The following NMNAT2 variants were observed in gnomAD, a reference collection of about 807,000 sequenced individuals.
NMNAT2 encodes nicotinamide/nicotinic acid mononucleotide adenylyltransferase 2.
NMNAT2 carries 11 observed loss-of-function variants against 41.6 expected under a neutral mutation model. The observed-to-expected ratio is 0.26, with a 90% CI of 0.17 to 0.44. NMNAT2 has a LOEUF of 0.44. NMNAT2 is among the 20% of genes least tolerant of loss of function. The pLI is 1.00. For synonymous variants in NMNAT2, 148 were observed against 151.2 expected, an observed-to-expected ratio of 0.98 and a Z score of 0.16; for missense variants, 288 against 407.7, an observed-to-expected ratio of 0.71 and a Z score of 2.53.
intron 1 of NMNAT2, among the ~76,000 whole-genome samples, chr1:183,362,504 A>G (rs1336320322): frequency 6.6e-6 from 1 of 152,232 alleles, no homozygotes; most frequent in Non-Finnish European, 1.5e-5. Flanking sequence ...TGGACATTTC[A>G]TATAAATGGA....
chr1:183,271,681 G>A (rs1275700571), intron 8 of NMNAT2, among the ~76,000 whole-genome samples: 1 of 123,490 alleles, frequency 8.1e-6, no homozygotes, highest in East Asian at 3.0e-4. Context: ...TACATGCTAC[G>A]TTTATCCTGG....
At chr1:183,292,643 A>G (rs1661574175) in intron 3 of NMNAT2, 147 bp downstream of exon 3, 1 of 701,764 alleles carries the variant, frequency 1.4e-6, no homozygotes, top group South Asian at 1.7e-5. Flanking sequence ...CTGGAGGTCT[A>G]CTTATTGCCT....
At chr1:183,409,119 C>T (rs1649045215) in intron 1 of NMNAT2, among the ~76,000 whole-genome samples, 1 of 151,888 alleles carries the variant, frequency 6.6e-6, no homozygotes, top group Admixed American at 6.6e-5. Flanking sequence ...CTTTGGGAGG[C>T]TGAGACAGGA....
At chr1:183,328,039 C>T (rs1204593412) in intron 1 of NMNAT2, among the ~76,000 whole-genome samples, 1 of 152,066 alleles carries the variant, frequency 6.6e-6, no homozygotes, top group Non-Finnish European at 1.5e-5. Flanking sequence ...CTAGGGCAGG[C>T]GGAGAGGTTG....
rs1216768233 is a variant in NMNAT2, at chr1:183,251,435, G to C, written c.*1206C>G. On this transcript the variant is annotated 3_prime_UTR_variant, in exon 11 of 11. Transcript: ENST00000287713. ...TACAATATGAAAGAGACATTTCCCA[G>C]CCCAACAGACAATACATAATTCCAA... The C allele has an allele frequency of 6.6e-6, 1 of 152,216 alleles. No homozygotes were observed. The highest frequency in any genetic ancestry group is 1.5e-5 in the Non-Finnish European group (1 of 68,048). 9.4% of individuals were successfully genotyped at this position (152,216 alleles called of 1,614,324 possible). A position where few individuals can be genotyped will look rare whatever the true frequency, so the allele number is the denominator to read the frequency against.
chr1:183,301,316 A>T (rs1238517667), intron 1 of NMNAT2, among the ~76,000 whole-genome samples: 1 of 152,188 alleles, frequency 6.6e-6, no homozygotes, highest in Non-Finnish European at 1.5e-5. Flanking sequence ...ATGTTAGAAT[A>T]CCCACAAAAG....
At chr1:183,391,403 A>G (rs930623176) in intron 1 of NMNAT2, among the ~76,000 whole-genome samples, 2 of 152,128 alleles carry the variant, frequency 1.3e-5, no homozygotes, top group African/African-American at 4.8e-5. Context: ...CCCAATACCT[A>G]TAACCTACTC....
chr1:183,353,152 G>A (rs568387631), intron 1 of NMNAT2, among the ~76,000 whole-genome samples: 8 of 152,190 alleles, frequency 5.3e-5, no homozygotes, highest in Admixed American at 6.5e-5. Flanking sequence ...GATTACAGGT[G>A]CCTGCCATCG....
At chr1:183,373,183 C>A (rs1663589433) in intron 1 of NMNAT2, among the ~76,000 whole-genome samples, 1 of 152,212 alleles carries the variant, frequency 6.6e-6, no homozygotes, top group Non-Finnish European at 1.5e-5. Flanking sequence ...CTCTTTTCAG[C>A]CCAGTGTGCT....
At chr1:183,390,936 T>C (rs1052021791) in intron 1 of NMNAT2, among the ~76,000 whole-genome samples, 1 of 152,124 alleles carries the variant, frequency 6.6e-6, no homozygotes, top group Non-Finnish European at 1.5e-5. Context: ...GCACGTGAGT[T>C]TCAGGCAAAA....
chr1:183,352,285 C>T (rs151020251), intron 1 of NMNAT2, among the ~76,000 whole-genome samples: 78 of 152,162 alleles, frequency 5.1e-4, no homozygotes, highest in African/African-American at 1.6e-3. Flanking sequence ...TGTGAGAGGC[C>T]GGGTGCAGTG....
chr1:183,406,759 A>G (rs1648965920), intron 1 of NMNAT2, among the ~76,000 whole-genome samples: 1 of 150,274 alleles, frequency 6.7e-6, no homozygotes, highest in South Asian at 2.1e-4. Context: ...TGTACCTAAA[A>G]CCTTTTTCAA....
chr1:183,329,367 T>C (rs10797875), intron 1 of NMNAT2, among the ~76,000 whole-genome samples: 67,808 of 151,728 alleles, frequency 0.45, 16,108 homozygotes, highest in East Asian at 0.78. Context: ...ATATTTTAAA[T>C]TCCCTGATCT....
At chr1:183,284,948 C>G (rs1290156300) in intron 5 of NMNAT2, among the ~76,000 whole-genome samples, 158 bp from the exon 6 acceptor site, 2 of 152,150 alleles carry the variant, frequency 1.3e-5, no homozygotes, top group African/African-American at 2.4e-5. Flanking sequence ...AGAGAAAGAA[C>G]AGAAATATGA....
chr1:183,279,104 A>T (rs1661197540), intron 7 of NMNAT2, among the ~76,000 whole-genome samples: 1 of 152,014 alleles, frequency 6.6e-6, no homozygotes, highest in African/African-American at 2.4e-5. Context: ...GTGTGAGGGG[A>T]CAGTGAGTGT....
chr1:183,275,090 G>T (rs369305766), intron 8 of NMNAT2, among the ~76,000 whole-genome samples: 2 of 152,124 alleles, frequency 1.3e-5, no homozygotes, highest in African/African-American at 4.8e-5. Context: ...GACCACAAAG[G>T]CTTGGACAGG....
intron 1 of NMNAT2, among the ~76,000 whole-genome samples, chr1:183,405,686 GT>G (rs916437054): frequency 6.6e-5 from 10 of 152,074 alleles, no homozygotes; most frequent in Admixed American, 2.6e-4. Context: ...TATTTTTATT[GT>G]TTTTTTTGTT....
At chr1:183,407,063 C>T (rs755093394) in intron 1 of NMNAT2, among the ~76,000 whole-genome samples, 2 of 152,116 alleles carry the variant, frequency 1.3e-5, no homozygotes, top group Non-Finnish European at 2.9e-5. Context: ...GTGATCTGCC[C>T]GCCTCAGCCT....
chr1:183,256,148 G>A (rs546568279), intron 10 of NMNAT2, among the ~76,000 whole-genome samples: 4 of 152,030 alleles, frequency 2.6e-5, no homozygotes, highest in African/African-American at 7.2e-5. Context: ...TGGCTCACGC[G>A]TGTAATCCCA....
Sources: gnomAD v4.1 joint callset for allele counts (sites outside exome capture counted in the v4.1 genomes callset) on GRCh38, gnomAD v4.1.1 for gene constraint, MANE v1.5 for transcripts, NCBI Gene and HGNC (gene_info 2026-07-23, HGNC 2026-07-21) for gene names.